The following NEK10 variants were observed in gnomAD, a reference collection of about 807,000 sequenced individuals.
NEK10 encodes serine/threonine-protein kinase Nek10.
Under a neutral mutation model 159.8 loss-of-function variants are expected in NEK10, and 122 were observed. The ratio of observed to expected loss-of-function variants is 0.76; its 90% confidence interval spans 0.66 to 0.89. NEK10 has a LOEUF of 0.89. Ranked by LOEUF, NEK10 falls within the 40% of genes least tolerant of loss-of-function variation. The pLI is 0.00. For missense variants in NEK10, 1,342 were observed against 1,323.1 expected, an observed-to-expected ratio of 1.01 and a Z score of -0.22; for synonymous variants, 466 against 457.1, an observed-to-expected ratio of 1.02 and a Z score of -0.25.
intron 25 of NEK10, chr3:27,194,656 T>C (rs1949413336): frequency 6.6e-6 from 1 of 152,112 alleles, no homozygotes; most frequent in Non-Finnish European, 1.5e-5. Context: ...GGGTGAAAAA[T>C]ATAAAGATCC....
At chr3:27,154,667 T>A (rs969111424) in intron 30 of NEK10, among the ~76,000 whole-genome samples, 4 of 152,140 alleles carry the variant, frequency 2.6e-5, no homozygotes, top group Non-Finnish European at 5.9e-5. Flanking sequence ...AAATGTGATA[T>A]ACCACATAAA....
chr3:27,310,058 G>A (rs1011787323), intron 9 of NEK10: 2 of 152,006 alleles, frequency 1.3e-5, no homozygotes, highest in African/African-American at 2.4e-5. Flanking sequence ...GCGCAACAAC[G>A]GCTAAGGTAA....
intron 7 of NEK10, among the ~76,000 whole-genome samples, chr3:27,312,565 C>T (rs917452734): frequency 2.6e-5 from 4 of 151,968 alleles, no homozygotes; most frequent in African/African-American, 7.3e-5. Flanking sequence ...TTTTATAATA[C>T]ATTGTATATA....
At chr3:27,279,491 G>T (rs750310403) in intron 22 of NEK10, among the ~76,000 whole-genome samples, 1 of 152,046 alleles carries the variant, frequency 6.6e-6, no homozygotes, top group African/African-American at 2.4e-5. Context: ...AATTAATGCT[G>T]CAGGGTTTTA....
At chr3:27,335,270 T>C (rs547497038) in intron 5 of NEK10, among the ~76,000 whole-genome samples, 13 of 150,134 alleles carry the variant, frequency 8.7e-5, no homozygotes, top group South Asian at 2.1e-4. Context: ...AACCTGGGAG[T>C]TGGAGGTTGC....
intron 1 of NEK10, among the ~76,000 whole-genome samples, chr3:27,363,485 T>C (rs1460079865): frequency 6.6e-6 from 1 of 152,182 alleles, no homozygotes; most frequent in Non-Finnish European, 1.5e-5. Flanking sequence ...TAAATGTGAT[T>C]GGGAAGCTCC....
At chr3:27,289,607 G>A (rs1253396245) in intron 19 of NEK10, among the ~76,000 whole-genome samples, 2 of 152,162 alleles carry the variant, frequency 1.3e-5, no homozygotes, top group African/African-American at 4.8e-5. Context: ...TTCTGGACCT[G>A]GCTCACCCAC....
intron 23 of NEK10, among the ~76,000 whole-genome samples, chr3:27,243,039 G>A (rs1021501554): frequency 1.3e-5 from 2 of 152,060 alleles, no homozygotes; most frequent in African/African-American, 4.8e-5. Flanking sequence ...GTTTTAAAAT[G>A]TTTTAAAGGA....
intron 15 of NEK10, among the ~76,000 whole-genome samples, chr3:27,293,855 A>G (rs2043166443): frequency 6.6e-6 from 1 of 152,238 alleles, no homozygotes; most frequent in African/African-American, 2.4e-5. Flanking sequence ...ATGTTGTAGA[A>G]TGCAGGGAAT....
At chr3:27,353,464 T>C (rs1053625663) in intron 1 of NEK10, among the ~76,000 whole-genome samples, 1 of 152,184 alleles carries the variant, frequency 6.6e-6, no homozygotes, top group African/African-American at 2.4e-5. Flanking sequence ...CAGAAGTATT[T>C]AGAGGCAAAA....
intron 1 of NEK10, among the ~76,000 whole-genome samples, chr3:27,362,334 T>TAA (rs944350320): frequency 4.6e-5 from 7 of 152,286 alleles, no homozygotes; most frequent in Middle Eastern, 3.4e-3. Flanking sequence ...CAAGCCAGCT[T>TAA]ACGGAACTGC....
At chr3:27,246,956 C>A (rs913503072) in intron 23 of NEK10, among the ~76,000 whole-genome samples, 1 of 152,062 alleles carries the variant, frequency 6.6e-6, no homozygotes, top group Non-Finnish European at 1.5e-5. Flanking sequence ...GATTTTGTAT[C>A]CTGCAGCTTT....
chr3:27,333,530 G>C (rs1268416735), intron 5 of NEK10, among the ~76,000 whole-genome samples: 1 of 146,406 alleles, frequency 6.8e-6, no homozygotes, highest in Non-Finnish European at 1.5e-5. Flanking sequence ...TGGGCAACAA[G>C]AGCAAAACTC....
At chr3:27,173,558 G>A (rs550014226) in intron 28 of NEK10, among the ~76,000 whole-genome samples, 1 of 152,122 alleles carries the variant, frequency 6.6e-6, no homozygotes, top group East Asian at 1.9e-4. Context: ...TCATCATTTC[G>A]ATGGACCAAT....
chr3:27,366,074 C>T (rs1197949442), intron 1 of NEK10, among the ~76,000 whole-genome samples: 3 of 152,120 alleles, frequency 2.0e-5, no homozygotes, highest in African/African-American at 7.2e-5. Context: ...TATTTCTCTC[C>T]TTGTATTGTG....
chr3:27,346,556 A>T (rs2047568313), intron 3 of NEK10, among the ~76,000 whole-genome samples: 1 of 152,186 alleles, frequency 6.6e-6, no homozygotes, highest in Non-Finnish European at 1.5e-5. Context: ...CACCTAAAAC[A>T]GATATAGGTT....
chr3:27,329,992 A>G (rs950936432), intron 5 of NEK10, among the ~76,000 whole-genome samples: 2 of 152,304 alleles, frequency 1.3e-5, no homozygotes, highest in South Asian at 4.1e-4. Context: ...TGTACTATAA[A>G]TCATCTTAGA....
intron 25 of NEK10, among the ~76,000 whole-genome samples, chr3:27,197,186 T>A (rs528594022): frequency 2.1e-3 from 320 of 151,948 alleles, no homozygotes; most frequent in Non-Finnish European, 3.8e-3. Context: ...TTTAAAAAAA[T>A]TTTTTTGAGA....
chr3:27,289,913 C>T (rs535372269), intron 19 of NEK10, among the ~76,000 whole-genome samples: 2 of 152,340 alleles, frequency 1.3e-5, no homozygotes, highest in East Asian at 1.9e-4. Flanking sequence ...TACATCCCAA[C>T]ACAGATGCTA....
Sources: gnomAD v4.1 joint callset for allele counts (sites outside exome capture counted in the v4.1 genomes callset) on GRCh38, gnomAD v4.1.1 for gene constraint, MANE v1.5 for transcripts, NCBI Gene and HGNC (gene_info 2026-07-23, HGNC 2026-07-21) for gene names.